EFCAB5: variants seen among roughly 807,000 people sequenced by gnomAD.
EFCAB5 encodes the protein EF-hand calcium binding domain 5.
In EFCAB5, 131 loss-of-function variants were observed where a neutral mutation model predicts 167.9. The observed-to-expected ratio is 0.78, with a 90% CI of 0.68 to 0.90. The LOEUF (loss-of-function observed/expected upper bound fraction) is 0.90. Among genes scored for constraint, EFCAB5 ranks in the 40% least tolerant of loss-of-function variants. The pLI is 0.00. For missense variants in EFCAB5, 1,663 were observed against 1,745.2 expected (o/e 0.95, Z 0.84); for synonymous variants, 574 against 602.8 (o/e 0.95, Z 0.70).
chr17:29,932,449 CTTTTTTTTTTTT>C (rs35262851), intron 1 of EFCAB5, among the ~76,000 whole-genome samples: 6 of 66,708 alleles, frequency 9.0e-5, no homozygotes, highest in Admixed American at 2.5e-4. Flanking sequence ...CTGTGCCCGG[CTTTTTTTTTTTT>C]TTTTTTTTTT....
chr17:30,041,284 A>G (rs1231582180), intron 8 of EFCAB5, among the ~76,000 whole-genome samples: 1 of 152,176 alleles, frequency 6.6e-6, no homozygotes, highest in East Asian at 1.9e-4. Flanking sequence ...TCATGGGAGG[A>G]GGTCAAAATA....
upstream of EFCAB5, among the ~76,000 whole-genome samples, chr17:29,941,045 A>AG (rs1184740427): frequency 6.6e-6 from 1 of 152,142 alleles, no homozygotes; most frequent in East Asian, 1.9e-4. Context: ...GTAAAAAAAA[A>AG]AAAGAAAAGA....
chr17:30,099,143 C>T (rs1389432626), intron 22 of EFCAB5, among the ~76,000 whole-genome samples: 2 of 152,224 alleles, frequency 1.3e-5, no homozygotes, highest in Non-Finnish European at 2.9e-5. Context: ...CATGTATTTT[C>T]AGCTCTCTTG....
intron 14 of EFCAB5, among the ~76,000 whole-genome samples, chr17:30,062,647 C>T (rs931384597): frequency 5.9e-5 from 9 of 152,134 alleles, no homozygotes; most frequent in African/African-American, 2.2e-4. Flanking sequence ...GTGTCTTGCT[C>T]AGGGGTGAGT....
chr17:30,025,260 A>G (rs930363754), intron 7 of EFCAB5, among the ~76,000 whole-genome samples: 49 of 151,528 alleles, frequency 3.2e-4, no homozygotes, highest in African/African-American at 1.1e-3. Flanking sequence ...AATTTTCGCA[A>G]CCTACTCATC....
At chr17:30,059,431 A>G in intron 13 of EFCAB5, 114 bp from the exon 14 acceptor site, 2 of 1,190,762 alleles carry the variant, frequency 1.7e-6, no homozygotes, top group Non-Finnish European at 2.3e-6. Context: ...GCTTAGCCTC[A>G]AAGTAAACCT....
chr17:29,969,180 G>A lies in EFCAB5; in HGVS notation c.580G>A (p.Glu194Lys). The A allele has an allele frequency of 6.2e-7, 1 of 1,613,542 alleles. No homozygotes were observed. Among genetic ancestry groups the A allele is most frequent in the South Asian group, 1.1e-5 (1 of 91,064 alleles). Reference sequence around the variant, plus strand: ...AGTAGAAAACATGTTAACTCAAGTAGAAAAGAAGAAGGTTTTGACAGAAGC... The same window carrying A: ...AGTAGAAAACATGTTAACTCAAGTAAAAAAGAAGAAGGTTTTGACAGAAGC... ...PGVENMLTQV[E>K]KKKVLTEADT... The change falls in exon 4 of 23, where the codon GAA becomes AAA. Residue 194 changes from glutamate (E) to lysine (K), a missense_variant. Physicochemically the swap from Glu to Lys is moderately conservative, Grantham distance 56 (BLOSUM62 1). Coordinates refer to ENST00000394835, the MANE Select transcript of EFCAB5 (RefSeq NM_198529.4).
intron 3 of EFCAB5, among the ~76,000 whole-genome samples, chr17:29,962,525 C>T (rs1188551713): frequency 6.6e-6 from 1 of 151,646 alleles, no homozygotes; most frequent in African/African-American, 2.4e-5. Context: ...GATTGGACTG[C>T]AGTGATGTAA....
chr17:30,078,429 A>G lies in EFCAB5; in HGVS notation c.2952A>G (p.Gln984=). 1 of 1,613,940 alleles carries G rather than the reference A, an allele frequency of 6.2e-7. No individual in the cohort carries two copies. Among genetic ancestry groups the G allele is most frequent in the Non-Finnish European group, 8.5e-7 (1 of 1,179,860 alleles). ...CTGCCAGGCGGAAATGGCTGCACCA[A>G]ATCCAATGTGCTGCAGAGACAAGTG... ...RNSARRKWLH[Q]IQCAAETSGV... Residue 984 remains glutamine, a synonymous_variant, in exon 15 of 23, where the codon CAA becomes CAG. Transcript: ENST00000394835.
At chr17:29,993,053 A>T in intron 4 of EFCAB5, 112 bp from the exon 5 acceptor site, 1 of 1,133,584 alleles carries the variant, frequency 8.8e-7, no homozygotes, top group South Asian at 2.1e-5. Context: ...CAAAGATTTT[A>T]TGGAGAAAAG....
chr17:30,036,233 G>T (rs1297678136), intron 8 of EFCAB5, among the ~76,000 whole-genome samples: 2 of 131,834 alleles, frequency 1.5e-5, no homozygotes, highest in Non-Finnish European at 3.2e-5. Context: ...CATATATAAT[G>T]TATGTATATA....
At chr17:30,026,092 C>T (rs2069314486) in intron 7 of EFCAB5, among the ~76,000 whole-genome samples, 1 of 151,710 alleles carries the variant, frequency 6.6e-6, no homozygotes. Context: ...ATGGGTGCAG[C>T]ACACCAGCAT....
intron 7 of EFCAB5, among the ~76,000 whole-genome samples, chr17:30,007,631 C>T (rs750756398): frequency 3.9e-5 from 6 of 152,114 alleles, no homozygotes; most frequent in Non-Finnish European, 8.8e-5. Context: ...ACAGGAAGTC[C>T]AAACAATCAT....
At chr17:29,968,404 ATCT>A (rs1288979387) in intron 3 of EFCAB5, 2 of 437,810 alleles carry the variant, frequency 4.6e-6, no homozygotes, top group African/African-American at 4.1e-5. Flanking sequence ...GGAGTCTGGG[ATCT>A]TCTCCTCTTG....
rs1452011761 is a variant in EFCAB5 at position 29,999,276 on chromosome 17, A to T, written c.974-630A>T. ...AAAAAGCAAGTTGCACATCAAAATGATCATATTTATAAGTAGAAAAAAGGT... is the reference window on the plus strand; with the variant it reads ...AAAAAGCAAGTTGCACATCAAAATGTTCATATTTATAAGTAGAAAAAAGGT... On this transcript the variant is annotated intron_variant, in intron 6 of 22. Coordinates refer to ENST00000394835, the MANE Select transcript of EFCAB5 (RefSeq NM_198529.4). Among the ~76,000 whole-genome samples, 3 of 152,104 alleles carry T rather than the reference A, an allele frequency of 2.0e-5. No homozygotes were observed. In the East Asian group the frequency reaches 5.8e-4, roughly 29 times the overall value.
intron 6 of EFCAB5, among the ~76,000 whole-genome samples, chr17:29,998,326 ACAGAAATTC>A (rs1212508439): frequency 6.6e-6 from 1 of 152,244 alleles, no homozygotes; most frequent in Admixed American, 6.5e-5. Context: ...TGATAAAATT[ACAGAAATTC>A]CAGAGCATTC....
intron 7 of EFCAB5, among the ~76,000 whole-genome samples, chr17:30,000,722 T>A (rs955286880): frequency 2.6e-5 from 4 of 152,214 alleles, no homozygotes; most frequent in Non-Finnish European, 5.9e-5. Context: ...ATTTCTGGAA[T>A]TCTTTTAAAA....
chr17:30,048,528 C>T (rs1459416520), intron 8 of EFCAB5, among the ~76,000 whole-genome samples: 1 of 150,610 alleles, frequency 6.6e-6, no homozygotes, highest in African/African-American at 2.4e-5. Flanking sequence ...AGAGTCTCAC[C>T]CTGTCACCCA....
In EFCAB5 at chr17:29,943,706, G is replaced by T. The variant is rs372338066; in HGVS notation, c.190+57G>T. The T allele has an allele frequency of 1.7e-4, 242 of 1,461,990 alleles. 3 individuals are homozygous for T. The highest frequency in any genetic ancestry group is 6.2e-5 in the Admixed American group (3 of 48,560). 90.6% of individuals were successfully genotyped at this position (1,461,990 alleles called of 1,614,324 possible). On this transcript the variant is annotated intron_variant, in intron 3 of 22. Transcript: ENST00000394835. The stretch of plus-strand genomic sequence containing the variant: ...AATCTAAAACTGGCTGGGCGTGGTG[G>T]CTCATGCCTGTAATTCCAGCACTTT...
Sources: allele counts gnomAD v4.1 joint callset (sites outside exome capture counted in the v4.1 genomes callset), GRCh38; gene constraint gnomAD v4.1.1; transcripts MANE v1.5; gene names NCBI Gene and HGNC (gene_info 2026-07-23, HGNC 2026-07-21).